The following FTO variants were observed in gnomAD, a reference collection of about 807,000 sequenced individuals.
The protein encoded by FTO is FTO alpha-ketoglutarate dependent dioxygenase.
In FTO, 47 loss-of-function variants were observed where a neutral mutation model predicts 63.9. The ratio of observed to expected loss-of-function variants is 0.74; its 90% CI spans 0.58 to 0.94. The LOEUF (loss-of-function observed/expected upper bound fraction) is 0.94, where lower values mean the gene tolerates loss of function less well. FTO is among the 40% of genes least tolerant of loss of function. The probability of loss-of-function intolerance (pLI) is 0.00; values close to 1 mark genes in which losing one functional copy is unlikely to be tolerated. For synonymous variants in FTO, 207 were observed against 224.4 expected (o/e 0.92, Z 0.69); for missense variants, 562 against 618.1 (o/e 0.91, Z 0.96).
chr16:53,921,220 C>T (rs987286481), intron 7 of FTO, among the ~76,000 whole-genome samples: 4 of 152,156 alleles, frequency 2.6e-5, no homozygotes, highest in East Asian at 1.9e-4. Context: ...TTCTTTTTCC[C>T]GTCCCCTTTC....
At chr16:53,855,353 C>T (rs1267854421) in intron 4 of FTO, among the ~76,000 whole-genome samples, 1 of 152,042 alleles carries the variant, frequency 6.6e-6, no homozygotes, top group Non-Finnish European at 1.5e-5. Context: ...TTGTATTTCT[C>T]TTTCTTAGAA....
chr16:53,788,325 A>G (rs62033403), intron 1 of FTO, among the ~76,000 whole-genome samples: 61,749 of 151,698 alleles, frequency 0.41, 12,962 homozygotes, highest in African/African-American at 0.48. Context: ...TTATTTGGCC[A>G]GATGGGGTGG....
intron 8 of FTO, among the ~76,000 whole-genome samples, chr16:53,946,796 T>C (rs2082660267): frequency 2.6e-5 from 4 of 152,174 alleles, no homozygotes; most frequent in Non-Finnish European, 4.4e-5. Flanking sequence ...CTCTGGCCTC[T>C]TTCCTACCAG....
At chr16:53,848,348 T>G (rs1366174692) in intron 4 of FTO, among the ~76,000 whole-genome samples, 3 of 152,178 alleles carry the variant, frequency 2.0e-5, no homozygotes, top group Non-Finnish European at 4.4e-5. Context: ...TGAACCCTGC[T>G]GTCTCAAGTA....
At chr16:53,941,203 G>T (rs576016813) in intron 8 of FTO, among the ~76,000 whole-genome samples, 1 of 152,314 alleles carries the variant, frequency 6.6e-6, no homozygotes, top group African/African-American at 2.4e-5. Context: ...TTTATTGAGT[G>T]TTTGTTAGGT....
intron 8 of FTO, among the ~76,000 whole-genome samples, chr16:53,995,268 C>A (rs1169581445): frequency 6.6e-6 from 1 of 152,232 alleles, no homozygotes; most frequent in Admixed American, 6.5e-5. Flanking sequence ...TCCCCAACTG[C>A]CACCAGGGAG....
intron 7 of FTO, among the ~76,000 whole-genome samples, chr16:53,907,720 C>A (rs568499258): frequency 6.6e-6 from 1 of 152,306 alleles, no homozygotes; most frequent in East Asian, 1.9e-4. Context: ...CTAATCACAT[C>A]ATGCTCCCTT....
At chr16:53,828,468 A>G (rs2079068199) in intron 3 of FTO, among the ~76,000 whole-genome samples, 1 of 152,034 alleles carries the variant, frequency 6.6e-6, no homozygotes, top group Non-Finnish European at 1.5e-5. Flanking sequence ...CGGCCTCCCA[A>G]AGTGCTGGGA....
At chr16:53,970,930 A>G (rs1170276148) in intron 8 of FTO, among the ~76,000 whole-genome samples, 1 of 152,212 alleles carries the variant, frequency 6.6e-6, no homozygotes, top group Non-Finnish European at 1.5e-5. Flanking sequence ...TAAATAATAG[A>G]CAGTGTGGAA....
intron 8 of FTO, among the ~76,000 whole-genome samples, chr16:54,072,933 C>T (rs1372756114): frequency 6.6e-6 from 1 of 152,152 alleles, no homozygotes; most frequent in African/African-American, 2.4e-5. Context: ...AGTTCTTAAA[C>T]TTCATGTTTT....
Position 54,120,566 on chromosome 16 carries a change from C to G in FTO, c.*8651C>G, listed in dbSNP as rs2086998547. The G allele has an allele frequency of 1.3e-5, 2 of 152,188 alleles. No homozygotes were observed. The highest frequency in any genetic ancestry group is 4.8e-5 in the African/African-American group (2 of 41,432). 9.4% of individuals were successfully genotyped at this position (152,188 alleles called of 1,614,324 possible). On this transcript the variant is annotated 3_prime_UTR_variant, in exon 9 of 9. Transcript: ENST00000471389. ...AGAGAAGTTTTTAATATGTCACACCCATATTTTATAGATGGGGCAATGGAA... is the reference window on the plus strand; with the variant it reads ...AGAGAAGTTTTTAATATGTCACACCGATATTTTATAGATGGGGCAATGGAA...
At chr16:54,086,808 G>A (rs1285252535) in intron 8 of FTO, among the ~76,000 whole-genome samples, 1 of 152,202 alleles carries the variant, frequency 6.6e-6, no homozygotes, top group African/African-American at 2.4e-5. Flanking sequence ...AAAGTTAAAT[G>A]CCTTTAGCAA....
intron 8 of FTO, among the ~76,000 whole-genome samples, chr16:54,061,364 G>A (rs541310964): frequency 1.3e-5 from 2 of 152,066 alleles, no homozygotes; most frequent in Non-Finnish European, 2.9e-5. Context: ...CTTGGCTTTC[G>A]CAGCCTATTA....
At chr16:53,987,903 G>A (rs1254234725) in intron 8 of FTO, among the ~76,000 whole-genome samples, 1 of 152,184 alleles carries the variant, frequency 6.6e-6, no homozygotes, top group African/African-American at 2.4e-5. Flanking sequence ...AAATGCAATT[G>A]TTAGAAAGTA....
At chr16:54,068,401 G>A (rs1262263924) in intron 8 of FTO, among the ~76,000 whole-genome samples, 3 of 152,180 alleles carry the variant, frequency 2.0e-5, no homozygotes, top group African/African-American at 7.2e-5. Flanking sequence ...GCAAAGTCTA[G>A]CTCTAAAAAA....
At chr16:53,901,424 G>A (rs1450481085) in intron 7 of FTO, among the ~76,000 whole-genome samples, 1 of 152,180 alleles carries the variant, frequency 6.6e-6, no homozygotes, top group Non-Finnish European at 1.5e-5. Flanking sequence ...ACAGTCTTGT[G>A]AACTCAATAC....
intron 8 of FTO, among the ~76,000 whole-genome samples, chr16:54,056,390 G>A (rs1373497547): frequency 6.6e-6 from 1 of 152,174 alleles, no homozygotes; most frequent in African/African-American, 2.4e-5. Flanking sequence ...CCCAATAAAC[G>A]TTGGTTGAAT....
intron 5 of FTO, 37 bp from the exon 6 acceptor site, chr16:53,879,807 T>G: frequency 6.2e-7 from 1 of 1,613,078 alleles, no homozygotes; most frequent in East Asian, 2.2e-5. Flanking sequence ...AACTTAGATT[T>G]TGCCCATAAT....
chr16:53,881,209 C>G (rs1440275843), intron 6 of FTO, among the ~76,000 whole-genome samples: 1 of 151,902 alleles, frequency 6.6e-6, no homozygotes, highest in Non-Finnish European at 1.5e-5. Context: ...TAGCATTCTC[C>G]CAGCTTCTGT....
Sources: gnomAD v4.1 joint callset for allele counts (sites outside exome capture counted in the v4.1 genomes callset) on GRCh38, gnomAD v4.1.1 for gene constraint, MANE v1.5 for transcripts, NCBI Gene and HGNC (gene_info 2026-07-23, HGNC 2026-07-21) for gene names.